The following PDE8B variants were observed in gnomAD, a reference collection of about 807,000 sequenced individuals.
PDE8B encodes the protein phosphodiesterase 8B.
In PDE8B, 26 loss-of-function variants were observed where a neutral mutation model predicts 101.3. The observed-to-expected ratio is 0.26, with a 90% CI of 0.19 to 0.36. The LOEUF is 0.36. PDE8B is among the 10% of genes least tolerant of loss of function. The probability of loss-of-function intolerance (pLI) is 1.00; values close to 1 mark genes in which losing one functional copy is unlikely to be tolerated. For synonymous variants in PDE8B, 424 were observed against 429.3 expected (o/e 0.99, Z 0.15); for missense variants, 810 against 1,163.1 (o/e 0.70, Z 4.42).
the PDE8B span, among the ~76,000 whole-genome samples, chr5:77,092,292 A>G: frequency 7.2e-5 from 11 of 152,110 alleles, no homozygotes; most frequent in Admixed American, 7.2e-4. Flanking sequence ...GTAATCAGAA[A>G]TCTCTTTCTT....
At chr5:77,422,838 AG>A (rs1796961903) in intron 20 of PDE8B, among the ~76,000 whole-genome samples, 1 of 152,242 alleles carries the variant, frequency 6.6e-6, no homozygotes, top group Non-Finnish European at 1.5e-5. Context: ...GATGATGCCT[AG>A]GAAGACTGGG....
intron 1 of PDE8B, among the ~76,000 whole-genome samples, chr5:77,302,512 G>A (rs78651244): frequency 0.12 from 18,270 of 152,188 alleles, 1,268 homozygotes; most frequent in East Asian, 0.29. Flanking sequence ...ACTGCAGCGG[G>A]AGCGGGTGCC....
intron 1 of PDE8B, among the ~76,000 whole-genome samples, chr5:77,220,517 T>C (rs1230317905): frequency 6.6e-6 from 1 of 152,226 alleles, no homozygotes; most frequent in East Asian, 1.9e-4. Flanking sequence ...TTCACTTTTA[T>C]ATGCAGACTA....
intron 11 of PDE8B, among the ~76,000 whole-genome samples, chr5:77,404,487 T>C (rs1478846986): frequency 6.6e-6 from 1 of 152,266 alleles, no homozygotes; most frequent in Non-Finnish European, 1.5e-5. Flanking sequence ...CTAAGCTATA[T>C]TACTATGATA....
the PDE8B span, among the ~76,000 whole-genome samples, chr5:77,109,750 G>A: frequency 6.6e-6 from 1 of 152,160 alleles, no homozygotes; most frequent in African/African-American, 2.4e-5. Flanking sequence ...TGAATCTAAA[G>A]GCAGGGCCCA....
At chr5:77,423,435 C>G (rs1198029762) in intron 20 of PDE8B, among the ~76,000 whole-genome samples, 1 of 152,032 alleles carries the variant, frequency 6.6e-6, no homozygotes, top group Admixed American at 6.6e-5. Flanking sequence ...GAGAAATCTC[C>G]GAACTGCTTT....
At chr5:77,318,072 A>AAAC (rs1774209604) in intron 2 of PDE8B, among the ~76,000 whole-genome samples, 1 of 151,234 alleles carries the variant, frequency 6.6e-6, no homozygotes, top group Non-Finnish European at 1.5e-5. Context: ...AAAAAAAAAA[A>AAAC]AAAAACACAA....
intron 1 of PDE8B, among the ~76,000 whole-genome samples, chr5:77,270,962 C>G (rs1471504993): frequency 8.4e-6 from 1 of 118,950 alleles, no homozygotes; most frequent in African/African-American, 3.2e-5. Flanking sequence ...TCATTGTTCA[C>G]TCAGGAATTA....
intron 2 of PDE8B, among the ~76,000 whole-genome samples, chr5:77,322,827 C>T (rs1313035080): frequency 1.3e-5 from 2 of 149,614 alleles, no homozygotes; most frequent in East Asian, 4.2e-4. Context: ...GTGCCTCTAC[C>T]ACTACAATGC....
chr5:77,358,328 A>C (rs764121237), intron 10 of PDE8B: 9 of 367,466 alleles, frequency 2.4e-5, no homozygotes, highest in African/African-American at 6.6e-5. Flanking sequence ...TTAGGACTCA[A>C]CTCAGCTTCT....
At position 77,378,009 on chromosome 5, in the gene PDE8B, T is replaced by TACACACACAC. The variant is rs3031820; in HGVS notation, c.1168-22208_1168-22199dup. ...CTTGCTCGCTCTCTCCCTCTCTCTC[T>TACACACACAC]ACACACACACACACACACACACACA... On this transcript the variant is annotated intron_variant, in intron 10 of 21. Coordinates refer to ENST00000264917, the MANE Select transcript of PDE8B (RefSeq NM_003719.5). Among the ~76,000 whole-genome samples, 878 of 134,462 alleles carry TACACACACAC rather than the reference T, an allele frequency of 6.5e-3. 7 individuals are homozygous for TACACACACAC. The highest frequency in any genetic ancestry group is 0.013 in the South Asian group (53 of 4,218). The allele number at this position is 134,462 out of a possible 152,430, so 88.2% of individuals were successfully genotyped here. A position where few individuals can be genotyped will look rare whatever the true frequency, so the allele number is the denominator to read the frequency against.
intron 1 of PDE8B, among the ~76,000 whole-genome samples, chr5:77,278,550 A>G (rs949983799): frequency 2.6e-5 from 4 of 152,040 alleles, no homozygotes; most frequent in Non-Finnish European, 5.9e-5. Flanking sequence ...TCTCATTGCA[A>G]GCTCTGCCTC....
chr5:77,289,598 A>T (rs1229061931), intron 1 of PDE8B, among the ~76,000 whole-genome samples: 1 of 152,202 alleles, frequency 6.6e-6, no homozygotes, highest in East Asian at 1.9e-4. Context: ...GTGACCTCTC[A>T]CTTATGTGCG....
intron 10 of PDE8B, among the ~76,000 whole-genome samples, chr5:77,354,904 T>C (rs1372808040): frequency 1.3e-5 from 2 of 152,186 alleles, no homozygotes; most frequent in African/African-American, 4.8e-5. Context: ...GCCCCTGAGG[T>C]ACCCTCTTTG....
rs146312963 is a variant in PDE8B at position 77,315,077 on chromosome 5, T to C, written c.399+3024T>C. 2.6e-3 allele frequency among the ~76,000 whole-genome samples: 391 copies of C among 152,264 alleles called. 1 individual carries two copies. Among genetic ancestry groups the C allele is most frequent in the African/African-American group, 8.9e-3 (369 of 41,578 alleles). Reference sequence around the variant, plus strand: ...GTTCTTTATATATTCTTGTTATGACTCCTTTGTCAGATTCTGAGAACATTT... The same window carrying C: ...GTTCTTTATATATTCTTGTTATGACCCCTTTGTCAGATTCTGAGAACATTT... On this transcript the variant is annotated intron_variant, in intron 2 of 21. Coordinates refer to ENST00000264917, the MANE Select transcript of PDE8B (RefSeq NM_003719.5).
At chr5:77,369,203 C>CAAAAAAAAA (rs70988667) in intron 10 of PDE8B, among the ~76,000 whole-genome samples, 13 of 79,010 alleles carry the variant, frequency 1.6e-4, no homozygotes, top group Admixed American at 4.9e-4. Context: ...TCCACTGTCT[C>CAAAAAAAAA]AAAAAAAAAA....
At chr5:77,193,105 T>C in the PDE8B span, among the ~76,000 whole-genome samples, 1 of 152,224 alleles carries the variant, frequency 6.6e-6, no homozygotes, top group Non-Finnish European at 1.5e-5. Context: ...TGTATATTTC[T>C]CCCAGTCTGT....
chr5:77,310,820 A>G (rs35776933), intron 1 of PDE8B, among the ~76,000 whole-genome samples: 8,739 of 152,190 alleles, frequency 0.057, 371 homozygotes, highest in Non-Finnish European at 0.085. Flanking sequence ...GGGGTGGGGT[A>G]GGAGAATCAG....
chr5:77,338,392 A>C (rs1417127931), intron 6 of PDE8B, among the ~76,000 whole-genome samples: 1 of 152,202 alleles, frequency 6.6e-6, no homozygotes, highest in Non-Finnish European at 1.5e-5. Flanking sequence ...TGATCTAAGA[A>C]ATAAAGTGTG....
Sources: gnomAD v4.1 joint callset for allele counts (sites outside exome capture counted in the v4.1 genomes callset) on GRCh38, gnomAD v4.1.1 for gene constraint, MANE v1.5 for transcripts, NCBI Gene and HGNC (gene_info 2026-07-23, HGNC 2026-07-21) for gene names.